TRIM14: variants seen among roughly 807,000 people sequenced by gnomAD.
TRIM14 encodes the protein tripartite motif containing 14.
Under a neutral mutation model 44.5 loss-of-function variants are expected in TRIM14, and 28 were observed. The ratio of observed to expected loss-of-function variants is 0.63; its 90% CI spans 0.47 to 0.86. The LOEUF (loss-of-function observed/expected upper bound fraction) is 0.86. Ranked by LOEUF, TRIM14 falls within the 40% of genes least tolerant of loss-of-function variation. The pLI is 0.00. For synonymous variants in TRIM14, 299 were observed against 269.2 expected (o/e 1.11, Z -1.08); for missense variants, 607 against 611.1 (o/e 0.99, Z 0.07).
chr9:98,073,641 G>C (rs1271028920), intron 6 of TRIM14, among the ~76,000 whole-genome samples: 1 of 151,154 alleles, frequency 6.6e-6, no homozygotes, highest in Non-Finnish European at 1.5e-5. Flanking sequence ...GGGAGAGGAA[G>C]GGACTTTAGA....
At chr9:98,103,710 C>G (rs1826488252) in intron 2 of TRIM14, among the ~76,000 whole-genome samples, 1 of 151,632 alleles carries the variant, frequency 6.6e-6, no homozygotes, top group Non-Finnish European at 1.5e-5. Flanking sequence ...TGGTGGTGGG[C>G]ACCTGTAGTC....
intron 2 of TRIM14, among the ~76,000 whole-genome samples, chr9:98,103,376 G>A (rs561525429): frequency 4.6e-5 from 7 of 152,014 alleles, no homozygotes; most frequent in Non-Finnish European, 7.4e-5. Context: ...CTATATATTT[G>A]CAAGTGCAAT....
intron 1 of TRIM14, among the ~76,000 whole-genome samples, chr9:98,116,671 T>C (rs915805694): frequency 1.3e-5 from 2 of 151,160 alleles, no homozygotes; most frequent in Admixed American, 1.3e-4. Context: ...ACCCCGTCTC[T>C]ACAAAAAAAA....
the TRIM14 span, chr9:98,056,660 CTA>C: frequency 8.1e-7 from 1 of 1,237,780 alleles, no homozygotes; most frequent in Non-Finnish European, 1.1e-6. Context: ...GAGGCGGGGC[CTA>C]GGGGATTGGC....
chr9:98,070,903 C>G (rs1303854457), intron 6 of TRIM14, among the ~76,000 whole-genome samples: 1 of 151,550 alleles, frequency 6.6e-6, no homozygotes, highest in African/African-American at 2.4e-5. Flanking sequence ...CCTTGACGGC[C>G]CAGGCTCAAG....
At chr9:98,081,842 A>G (rs1450380628), downstream of TRIM14, 1 of 152,198 alleles carries the variant, frequency 6.6e-6, no homozygotes, top group Non-Finnish European at 1.5e-5. Flanking sequence ...CCCCAAATCA[A>G]AGATGCATCT....
At chr9:98,116,827 G>A (rs1242092539) in intron 1 of TRIM14, among the ~76,000 whole-genome samples, 2 of 144,750 alleles carry the variant, frequency 1.4e-5, no homozygotes, top group African/African-American at 2.6e-5. Flanking sequence ...CTGGGTGACA[G>A]AGTGAGACCC....
At chr9:98,105,630 T>C (rs1354518113) in intron 2 of TRIM14, among the ~76,000 whole-genome samples, 1 of 152,106 alleles carries the variant, frequency 6.6e-6, no homozygotes, top group Non-Finnish European at 1.5e-5. Context: ...AATTCACTGA[T>C]GCCAAAACCA....
At chr9:98,038,457 A>G in the TRIM14 span, among the ~76,000 whole-genome samples, 1 of 152,224 alleles carries the variant, frequency 6.6e-6, no homozygotes, top group African/African-American at 2.4e-5. Flanking sequence ...CTTTAAATCC[A>G]AGAATAAGAG....
At chr9:98,098,389 A>G (rs1826258697) in intron 3 of TRIM14, among the ~76,000 whole-genome samples, 1 of 152,148 alleles carries the variant, frequency 6.6e-6, no homozygotes, top group African/African-American at 2.4e-5. Flanking sequence ...GACACCAGAC[A>G]ACAGTTTCTT....
chr9:98,043,403 G>T, the TRIM14 span, among the ~76,000 whole-genome samples: 3 of 152,078 alleles, frequency 2.0e-5, no homozygotes, highest in Non-Finnish European at 4.4e-5. Context: ...CTGACCTCAG[G>T]TGATCTGCCC....
the TRIM14 span, chr9:98,056,759 G>A: frequency 1.3e-6 from 2 of 1,589,210 alleles, no homozygotes; most frequent in Non-Finnish European, 1.7e-6. Context: ...CGGCGGCGGC[G>A]GCGGCCGGAC....
At chr9:98,075,526 G>C (rs951014602) in intron 6 of TRIM14, 30 of 149,968 alleles carry the variant, frequency 2.0e-4, no homozygotes, top group African/African-American at 7.3e-4. Flanking sequence ...TTGGTCCGTC[G>C]GTCCGTCGGT....
chr9:98,089,552 T>C (rs1181348551), intron 5 of TRIM14, among the ~76,000 whole-genome samples: 2 of 152,218 alleles, frequency 1.3e-5, no homozygotes, highest in Non-Finnish European at 2.9e-5. Flanking sequence ...GGCAAACTTA[T>C]CTACCTACTT....
At chr9:98,081,417 C>G (rs1017977767), downstream of TRIM14, 18 of 256,930 alleles carry the variant, frequency 7.0e-5, no homozygotes, top group Non-Finnish European at 1.1e-4. Flanking sequence ...TGGAATAAGT[C>G]AAGTCTGGGC....
chr9:98,112,400 A>G (rs181281375), intron 1 of TRIM14, among the ~76,000 whole-genome samples: 1 of 152,340 alleles, frequency 6.6e-6, no homozygotes, highest in East Asian at 1.9e-4. Context: ...GAATGCCAAA[A>G]TAAAAAGGAA....
chr9:98,109,274 G>A (rs951208583), intron 2 of TRIM14, among the ~76,000 whole-genome samples: 8 of 126,694 alleles, frequency 6.3e-5, no homozygotes, highest in African/African-American at 4.2e-4. Context: ...GGATGAAAGG[G>A]GGAGGGAGCA....
the TRIM14 span, among the ~76,000 whole-genome samples, chr9:98,044,825 C>A: frequency 9.2e-5 from 14 of 152,208 alleles, no homozygotes; most frequent in African/African-American, 3.4e-4. Context: ...TTAGAATGCG[C>A]CTCTGAGCTC....
the TRIM14 span, among the ~76,000 whole-genome samples, chr9:98,036,086 G>A: frequency 1.4e-4 from 21 of 147,002 alleles, no homozygotes; most frequent in African/African-American, 4.0e-4. Flanking sequence ...GCATGTGCCT[G>A]TAATCCCAGC....
Sources: gnomAD v4.1 joint callset for allele counts (sites outside exome capture counted in the v4.1 genomes callset) on GRCh38, gnomAD v4.1.1 for gene constraint, MANE v1.5 for transcripts, NCBI Gene and HGNC (gene_info 2026-07-23, HGNC 2026-07-21) for gene names.